Variants in EVL observed in about 807,000 individuals in gnomAD.
EVL encodes the protein Enah/Vasp-like.
A neutral mutation model predicts 59.6 loss-of-function variants in EVL; 21 were observed. The observed-to-expected ratio is 0.35, with a 90% CI of 0.25 to 0.51. The LOEUF (loss-of-function observed/expected upper bound fraction) is 0.51, where lower values mean the gene tolerates loss of function less well. Ranked by LOEUF, EVL falls within the 20% of genes least tolerant of loss-of-function variation. The pLI is 0.97. For missense variants in EVL, 462 were observed against 546.6 expected (o/e 0.85, Z 1.54); for synonymous variants, 198 against 203.5 (o/e 0.97, Z 0.23).
rs2295857 is a variant in EVL, at chr14:100,126,876, A to G, written c.487+105A>G. The G allele has an allele frequency of 0.011, 11,775 of 1,086,868 alleles. 686 individuals carry two copies. In the East Asian group the frequency reaches 0.17, roughly 16 times the overall value. The allele number at this position is 1,086,868 out of a possible 1,614,324, so 67.3% of individuals were successfully genotyped here. A position where few individuals can be genotyped will look rare whatever the true frequency, so the allele number is the denominator to read the frequency against. On this transcript the variant is annotated intron_variant, in intron 5 of 13. Transcript: ENST00000392920. The stretch of plus-strand genomic sequence containing the variant: ...CACACGGGGCGCTCTGTGAGCAGCT[A>G]TGGGGAGCCTAGGTCTCAAAGTGCA...
chr14:100,117,239 G>C (rs1188778614), intron 3 of EVL, among the ~76,000 whole-genome samples: 1 of 152,222 alleles, frequency 6.6e-6, no homozygotes, highest in Admixed American at 6.5e-5. Context: ...AAGGCTCTCT[G>C]TACAGCCCTG....
chr14:100,092,299 A>G (rs1379201261), intron 2 of EVL, among the ~76,000 whole-genome samples: 2 of 152,208 alleles, frequency 1.3e-5, no homozygotes, highest in African/African-American at 4.8e-5. Context: ...TATCCTTACA[A>G]GTACATATGT....
intron 1 of EVL, among the ~76,000 whole-genome samples, chr14:100,001,590 AGG>A (rs2060946543): frequency 6.6e-6 from 1 of 152,220 alleles, no homozygotes; most frequent in Non-Finnish European, 1.5e-5. Flanking sequence ...GTTCCATTGA[AGG>A]AGTCTCAGAT....
chr14:100,024,507 T>C (rs1595575452), intron 1 of EVL, among the ~76,000 whole-genome samples: 2 of 152,184 alleles, frequency 1.3e-5, no homozygotes, highest in East Asian at 3.9e-4. Flanking sequence ...ACCTTGATCA[T>C]TGAATACCTG....
At chr14:100,019,163 C>T (rs1288629952) in intron 1 of EVL, among the ~76,000 whole-genome samples, 1 of 152,188 alleles carries the variant, frequency 6.6e-6, no homozygotes, top group Non-Finnish European at 1.5e-5. Flanking sequence ...CTTACGTTCA[C>T]ATATAATGTT....
chr14:100,127,074 G>A lies in EVL; in HGVS notation c.487+303G>A, dbSNP rs576227006. Among the ~76,000 whole-genome samples the A allele has an allele frequency of 7.2e-5, 11 of 152,332 alleles. No individual in the cohort carries two copies. Among genetic ancestry groups the A allele is most frequent in the African/African-American group, 2.6e-4 (11 of 41,578 alleles). ...TGGGGACACAACTATGACTGCAGAT[G>A]CAGTTCCTGCCCTCAGGAAGCCCGC... is the stretch of plus-strand genomic sequence containing the variant. On this transcript the variant is annotated intron_variant, in intron 5 of 13. Coordinates refer to ENST00000392920, the MANE Select transcript of EVL (RefSeq NM_016337.3). This position sits in a 1 kb window ranked among gnomAD's most constrained non-coding sequence, Gnocchi z 4.2.
At chr14:100,031,687 T>C (rs573115410) in intron 1 of EVL, among the ~76,000 whole-genome samples, 87 of 152,342 alleles carry the variant, frequency 5.7e-4, no homozygotes, top group African/African-American at 2.0e-3. Flanking sequence ...CATGAAGAAT[T>C]CTTTTCACTC....
At chr14:100,113,465 T>C (rs549544946) in intron 3 of EVL, among the ~76,000 whole-genome samples, 43 of 152,134 alleles carry the variant, frequency 2.8e-4, no homozygotes, top group Non-Finnish European at 5.4e-4. Context: ...GCTTCCTCTC[T>C]AGCCCCTCAG....
intron 2 of EVL, among the ~76,000 whole-genome samples, chr14:100,088,002 G>A (rs1483343838): frequency 6.6e-6 from 1 of 152,250 alleles, no homozygotes; most frequent in Non-Finnish European, 1.5e-5. Flanking sequence ...AGGGTTCCAT[G>A]TGGAAGAGAA....
chr14:100,006,019 C>CCG (rs1008444428), intron 1 of EVL, among the ~76,000 whole-genome samples: 2 of 151,036 alleles, frequency 1.3e-5, no homozygotes, highest in African/African-American at 4.9e-5. Flanking sequence ...TCCCCCCCCC[C>CCG]CCCCACACCG....
At chr14:99,993,057 CTTTTTTTT>C (rs544024215) in intron 1 of EVL, among the ~76,000 whole-genome samples, 1 of 129,684 alleles carries the variant, frequency 7.7e-6, no homozygotes, top group South Asian at 2.4e-4. Flanking sequence ...GCGTATAATC[CTTTTTTTT>C]TTTTTTTTTT....
intron 1 of EVL, among the ~76,000 whole-genome samples, chr14:100,049,432 T>C (rs2061610330): frequency 6.6e-6 from 1 of 152,186 alleles, no homozygotes; most frequent in Non-Finnish European, 1.5e-5. Flanking sequence ...CTTCATTTTA[T>C]GTCATTGTAC....
intron 1 of EVL, among the ~76,000 whole-genome samples, chr14:100,026,892 C>G (rs538144678): frequency 6.6e-6 from 1 of 152,256 alleles, no homozygotes; most frequent in East Asian, 1.9e-4. Flanking sequence ...TCCCCGGGGC[C>G]TGTTGGAATC....
intron 1 of EVL, among the ~76,000 whole-genome samples, chr14:100,069,387 GC>G (rs1361050037): frequency 6.6e-6 from 1 of 152,218 alleles, no homozygotes; most frequent in Non-Finnish European, 1.5e-5. Context: ...GTCTCGCACA[GC>G]CGGGGTTCAG....
rs76395229 is a variant in EVL, at chr14:100,067,013, G to A, written c.11+1502G>A. Reference sequence around the variant, plus strand: ...CTAATCTAGCCCAGCTCTTGAGTGCGCAGATCAGGAAATTGAGGCCCAGTG... The same window carrying A: ...CTAATCTAGCCCAGCTCTTGAGTGCACAGATCAGGAAATTGAGGCCCAGTG... On this transcript the variant is annotated intron_variant, in intron 1 of 13. Coordinates refer to ENST00000392920, the MANE Select transcript of EVL (RefSeq NM_016337.3). Among the ~76,000 whole-genome samples the A allele has an allele frequency of 6.8e-3, 1,033 of 152,286 alleles. 11 individuals are homozygous for A. The highest frequency in any genetic ancestry group is 0.024 in the African/African-American group (984 of 41,552).
intron 1 of EVL, among the ~76,000 whole-genome samples, chr14:99,979,717 A>G (rs2060794396): frequency 6.6e-6 from 1 of 152,110 alleles, no homozygotes; most frequent in Non-Finnish European, 1.5e-5. Context: ...AAAGTACAAA[A>G]AATTAGCCGG....
At chr14:100,128,416 G>A in intron 5 of EVL, 103 bp from the exon 6 acceptor site, 1 of 1,178,102 alleles carries the variant, frequency 8.5e-7, no homozygotes, top group South Asian at 1.2e-5. Context: ...CCTTTGGGGA[G>A]CAGCCTGCCC....
intron 1 of EVL, among the ~76,000 whole-genome samples, chr14:100,067,190 C>T (rs974727242): frequency 2.6e-5 from 4 of 152,216 alleles, no homozygotes; most frequent in Admixed American, 1.3e-4. Context: ...GTGGAAGCAG[C>T]GTTCGTGGAG....
At chr14:100,080,568 T>C (rs987808061) in intron 1 of EVL, among the ~76,000 whole-genome samples, 8 of 152,208 alleles carry the variant, frequency 5.3e-5, no homozygotes, top group African/African-American at 1.9e-4. Context: ...TTTAAGAGTT[T>C]AGGTCTTGCA....
Sources: allele counts gnomAD v4.1 joint callset (sites outside exome capture counted in the v4.1 genomes callset), GRCh38; gene constraint gnomAD v4.1.1; non-coding constraint Gnocchi (gnomAD v3.1); transcripts MANE v1.5; gene names NCBI Gene and HGNC (gene_info 2026-07-23, HGNC 2026-07-21).